PI4KB: variants seen among roughly 807,000 people sequenced by gnomAD.
PI4KB encodes PtdIns 4-kinase beta.
Under a neutral mutation model 81.4 loss-of-function variants are expected in PI4KB, and 23 were observed. The observed-to-expected ratio is 0.28, with a 90% CI of 0.20 to 0.40. The LOEUF (loss-of-function observed/expected upper bound fraction) is 0.40, where lower values mean the gene tolerates loss of function less well. Among genes scored for constraint, PI4KB ranks in the 10% least tolerant of loss-of-function variants. PI4KB has a pLI of 1.00. For missense variants in PI4KB, 651 were observed against 1,036.6 expected, an observed-to-expected ratio of 0.63 and a Z score of 5.11; for synonymous variants, 381 against 406.8, an observed-to-expected ratio of 0.94 and a Z score of 0.76.
rs748394374 is a variant in PI4KB at position 151,326,275 on chromosome 1, G to A, written c.-29+996C>T. On this transcript the variant is annotated intron_variant, in intron 1 of 11. Coordinates refer to ENST00000368873, the MANE Select transcript of PI4KB (RefSeq NM_001369623.2). ...TAGGGACTTCTTCAAAACTTGCTCC[G>A]GCCTTCAGAAACACCCTTCTGTCCT... 15 of 1,299,116 alleles carry A rather than the reference G, an allele frequency of 1.2e-5. No individual in the cohort carries two copies. In the African/African-American group the frequency reaches 1.8e-4, roughly 15 times the overall value. 80.5% of individuals were successfully genotyped at this position (1,299,116 alleles called of 1,614,324 possible).
intron 10 of PI4KB, 35 bp from the exon 11 acceptor site, chr1:151,294,173 G>A: frequency 6.3e-7 from 1 of 1,596,058 alleles, no homozygotes; most frequent in Non-Finnish European, 8.5e-7. Context: ...TGCACAAGGG[G>A]TCTTACACCG....
intron 1 of PI4KB, chr1:151,324,867 A>G: frequency 2.0e-6 from 2 of 985,236 alleles, no homozygotes; most frequent in South Asian, 9.4e-5. Flanking sequence ...AGGAATCTCA[A>G]TTTGCTGCTT....
chr1:151,325,416 G>A (rs1001251702), intron 1 of PI4KB, among the ~76,000 whole-genome samples: 2 of 152,134 alleles, frequency 1.3e-5, no homozygotes, highest in African/African-American at 4.8e-5. Flanking sequence ...AAAATGAATG[G>A]AATCTCACGT....
chr1:151,297,137 T>C (rs1694868673), intron 9 of PI4KB, among the ~76,000 whole-genome samples: 1 of 152,128 alleles, frequency 6.6e-6, no homozygotes, highest in Non-Finnish European at 1.5e-5. Context: ...TTGTTTTGTT[T>C]TGTTTAGACA....
rs898938927 is a variant in PI4KB, at chr1:151,327,401, G to C, written c.-159C>G. 1.1e-4 allele frequency: 45 copies of C among 397,882 alleles called. No individual in the cohort carries two copies. The highest frequency in any genetic ancestry group is 9.3e-4 in the Admixed American group (21 of 22,694). The allele number at this position is 397,882 out of a possible 1,614,324, so 24.6% of individuals were successfully genotyped here. Reference sequence around the variant, plus strand: ...TTCCCTGACAGCGGCCGCGGAGGCTGCACCAGGCCCCGGCTGCGGGGCTGC... The same window carrying C: ...TTCCCTGACAGCGGCCGCGGAGGCTCCACCAGGCCCCGGCTGCGGGGCTGC... On this transcript the variant is annotated 5_prime_UTR_variant, in exon 1 of 12. Coordinates refer to ENST00000368873, the MANE Select transcript of PI4KB (RefSeq NM_001369623.2).
intron 6 of PI4KB, among the ~76,000 whole-genome samples, chr1:151,303,020 ACGGAGTCT>A (rs1201724899): frequency 1.0e-5 from 1 of 97,818 alleles, no homozygotes; most frequent in Non-Finnish European, 2.0e-5. Flanking sequence ...TTTTTTTGAG[ACGGAGTCT>A]CGTTCTGTCG....
At chr1:151,323,399 C>T (rs556380005) in intron 1 of PI4KB, among the ~76,000 whole-genome samples, 7 of 151,078 alleles carry the variant, frequency 4.6e-5, no homozygotes, top group Non-Finnish European at 7.4e-5. Context: ...CTCAGCTACT[C>T]GGGAGGCTGA....
At chr1:151,313,461 G>A (rs1489818330) in intron 2 of PI4KB, among the ~76,000 whole-genome samples, 5 of 152,140 alleles carry the variant, frequency 3.3e-5, no homozygotes, top group Non-Finnish European at 5.9e-5. Context: ...AAGCCCTGAG[G>A]CCTCAGCTTT....
At chr1:151,297,188 C>A (rs1283270359) in intron 9 of PI4KB, among the ~76,000 whole-genome samples, 2 of 151,966 alleles carry the variant, frequency 1.3e-5, no homozygotes, top group Non-Finnish European at 2.9e-5. Context: ...CTCAAGTGAT[C>A]CTCCCACCTC....
At chr1:151,317,477 T>C (rs1648137731) in intron 1 of PI4KB, among the ~76,000 whole-genome samples, 1 of 151,926 alleles carries the variant, frequency 6.6e-6, no homozygotes, top group African/African-American at 2.4e-5. Flanking sequence ...CCTCCATGCC[T>C]GGTTAATTTT....
intron 9 of PI4KB, among the ~76,000 whole-genome samples, chr1:151,295,574 G>T (rs1367826586): frequency 1.3e-5 from 2 of 152,202 alleles, no homozygotes; most frequent in East Asian, 3.8e-4. Flanking sequence ...GCTCCAGCTG[G>T]AAAGCTGCTT....
intron 1 of PI4KB, among the ~76,000 whole-genome samples, chr1:151,318,810 C>G (rs1050637731): frequency 2.0e-5 from 3 of 151,862 alleles, no homozygotes; most frequent in Non-Finnish European, 4.4e-5. Flanking sequence ...CTCGAAGTTC[C>G]CAGAAAATAA....
chr1:151,312,188 G>T (rs1355242728), intron 2 of PI4KB, among the ~76,000 whole-genome samples: 1 of 152,222 alleles, frequency 6.6e-6, no homozygotes, highest in Non-Finnish European at 1.5e-5. Flanking sequence ...TGAGAGCTGA[G>T]CAGAGAACAA....
chr1:151,306,374 A>G lies in PI4KB; in HGVS notation c.1183-11T>C, dbSNP rs762583347. 7 of 1,575,976 alleles carry G rather than the reference A, an allele frequency of 4.4e-6. No individual in the cohort carries two copies. The Middle Eastern group carries it at 5.0e-4, about 112-fold the overall frequency. ...AATCAGGTAGGGAGCCTGGGGGAAG[A>G]GTGAGACAGTATTTGCAACTTACTT... On this transcript the variant is annotated splice_polypyrimidine_tract_variant and intron_variant, in intron 4 of 11. Coordinates refer to ENST00000368873, the MANE Select transcript of PI4KB (RefSeq NM_001369623.2).
Position 151,315,697 on chromosome 1 carries a change from T to C in PI4KB, c.785A>G (p.Asp262Gly). 6.2e-7 allele frequency: 1 copy of C among 1,614,002 alleles called. No homozygotes were observed. The highest frequency in any genetic ancestry group is 1.1e-5 in the South Asian group (1 of 91,082). Residue 262 changes from aspartate (D) to glycine (G), a missense_variant, in exon 2 of 12, where the codon GAC (aspartate) becomes GGC (glycine). This residue lies in a region of PI4KB where 314 missense variants were observed against 397.8 expected (regional missense o/e 0.79). Coordinates refer to ENST00000368873, the MANE Select transcript of PI4KB (RefSeq NM_001369623.2). ...RELPSLSPAPDTGLSPSKRTH... is the reference protein window; with the variant it reads ...RELPSLSPAPGTGLSPSKRTH... Reference sequence around the variant, plus strand: ...CCTTTTGGAGGGAGACAGCCCTGTGTCAGGGGCCGGGCTCAAGGAGGGCAG... The same window carrying C: ...CCTTTTGGAGGGAGACAGCCCTGTGCCAGGGGCCGGGCTCAAGGAGGGCAG...
At chr1:151,322,973 A>ATGGATTTGAGG (rs1195994248) in intron 1 of PI4KB, among the ~76,000 whole-genome samples, 2 of 152,182 alleles carry the variant, frequency 1.3e-5, no homozygotes, top group Non-Finnish European at 2.9e-5. Context: ...GTCCTTTGAG[A>ATGGATTTGAGG]TGGATCCACA....
Position 151,318,902 on chromosome 1 carries a change from C to T in PI4KB, c.-28-2393G>A, listed in dbSNP as rs116863876. ...ATCATCAACCCTGCTGAAGCTGTGCCGTTTCTCTGGTTGTCTGACATCATG... is the reference window on the plus strand; with the variant it reads ...ATCATCAACCCTGCTGAAGCTGTGCTGTTTCTCTGGTTGTCTGACATCATG... On this transcript the variant is annotated intron_variant, in intron 1 of 11. Transcript: ENST00000368873. Among the ~76,000 whole-genome samples, 6 of 152,206 alleles carry T rather than the reference C, an allele frequency of 3.9e-5. No homozygotes were observed. The East Asian group carries it at 7.7e-4, about 20-fold the overall frequency.
At chr1:151,320,824 CTA>C (rs1230704347) in intron 1 of PI4KB, among the ~76,000 whole-genome samples, 1 of 152,212 alleles carries the variant, frequency 6.6e-6, no homozygotes, top group Non-Finnish European at 1.5e-5. Context: ...TTCTCAGTCT[CTA>C]TGTTTGGTAC....
In PI4KB at chr1:151,315,712, A is replaced by C; in HGVS notation, c.770T>G (p.Leu257Trp). ...PAHRKRELPS[L>W]SPAPDTGLSP... The stretch of plus-strand genomic sequence containing the variant: ...CAGCCCTGTGTCAGGGGCCGGGCTC[A>C]AGGAGGGCAGCTCCCTCTTCCTGTG... Residue 257 changes from leucine to tryptophan, a missense_variant, in exon 2 of 12, where the codon TTG becomes TGG. Physicochemically the swap from Leu to Trp is moderately conservative, Grantham distance 61 (BLOSUM62 -2). This residue lies in a region of PI4KB where 314 missense variants were observed against 397.8 expected (regional missense o/e 0.79). Transcript: ENST00000368873. 1 of 1,614,122 alleles carries C rather than the reference A, an allele frequency of 6.2e-7. No homozygotes were observed. Among genetic ancestry groups the C allele is most frequent in the Non-Finnish European group, 8.5e-7 (1 of 1,180,004 alleles).
Sources: gnomAD v4.1 joint callset for allele counts (sites outside exome capture counted in the v4.1 genomes callset) on GRCh38, gnomAD v4.1.1 for gene constraint, gnomAD v4.1.1 regional missense constraint, MANE v1.5 for transcripts, NCBI Gene and HGNC (gene_info 2026-07-23, HGNC 2026-07-21) for gene names.